The following SLC24A5 variants were observed in gnomAD, a reference collection of about 807,000 sequenced individuals.
The protein encoded by SLC24A5 is sodium/potassium/calcium exchanger 5.
SLC24A5 carries 46 observed loss-of-function variants against 51.6 expected under a neutral mutation model. The ratio of observed to expected loss-of-function variants is 0.89; its 90% CI spans 0.70 to 1.14. SLC24A5 has a LOEUF of 1.14. SLC24A5 is among the 50% of genes most tolerant of loss of function. The pLI, the probability that SLC24A5 is intolerant of heterozygous loss-of-function variation, is 0.00. For missense variants in SLC24A5, 581 were observed against 604.1 expected, an observed-to-expected ratio of 0.96 and a Z score of 0.40; for synonymous variants, 230 against 214.9, an observed-to-expected ratio of 1.07 and a Z score of -0.62.
Position 48,141,897 on chromosome 15 carries a change from CTT to C in SLC24A5, c.1181-129_1181-128del, listed in dbSNP as rs2039102791. ...ATTTAAAAATACAAATTCAGTAAGA[CTT>C]TTGCTCTAACAACAATTTTTCAAAA... On this transcript the variant is annotated intron_variant, in intron 8 of 8. Transcript: ENST00000341459. The C allele has an allele frequency of 9.9e-6, 6 of 608,004 alleles. No individual in the cohort carries two copies. In the Admixed American group the frequency reaches 1.7e-4, roughly 18 times the overall value. The allele number at this position is 608,004 out of a possible 1,614,324, so 37.7% of individuals were successfully genotyped here.
At chr15:48,131,668 A>T (rs2038791581) in intron 2 of SLC24A5, among the ~76,000 whole-genome samples, 1 of 152,064 alleles carries the variant, frequency 6.6e-6, no homozygotes, top group African/African-American at 2.4e-5. Context: ...TGAGCCAAAT[A>T]AACCTTTTTT....
At chr15:48,124,714 C>G (rs2038713475) in intron 2 of SLC24A5, 1 of 152,162 alleles carries the variant, frequency 6.6e-6, no homozygotes, top group Non-Finnish European at 1.5e-5. Flanking sequence ...GTCTAAGTGA[C>G]TTCCAACGTG....
At chr15:48,129,415 T>C (rs1187429594) in intron 2 of SLC24A5, among the ~76,000 whole-genome samples, 3 of 152,158 alleles carry the variant, frequency 2.0e-5, no homozygotes, top group Non-Finnish European at 4.4e-5. Context: ...CACTTCATTT[T>C]GGACCCTAAA....
chr15:48,133,406 C>T (rs115638698), intron 2 of SLC24A5, among the ~76,000 whole-genome samples: 1,734 of 152,036 alleles, frequency 0.011, 33 homozygotes, highest in African/African-American at 0.04. Context: ...GTCCCTTGGC[C>T]CTAAAATTGA....
intron 6 of SLC24A5, chr15:48,137,953 T>C (rs919146039): frequency 6.6e-6 from 1 of 152,112 alleles, no homozygotes. Flanking sequence ...GATTCTAAAT[T>C]TAATTAAGCC....
intron 2 of SLC24A5, chr15:48,124,363 G>A (rs1037697713): frequency 2.6e-5 from 4 of 151,164 alleles, no homozygotes; most frequent in African/African-American, 9.7e-5. Context: ...ATGTAGATCT[G>A]TCTCTATGCT....
In SLC24A5 at chr15:48,142,180, T is replaced by A; in HGVS notation, c.1332T>A (p.Ser444=). The stretch of plus-strand genomic sequence containing the variant: ...GAGGACTAACTTACATAACCATCTC[T>A]CTCAACATTTCAATTATTTTTCTTT... The part of the protein sequence containing the change: ...NSRGLTYITI[S]LNISIIFLFL... Residue 444 remains serine, a synonymous_variant, in exon 9 of 9, where the codon TCT becomes TCA. Coordinates refer to ENST00000341459, the MANE Select transcript of SLC24A5 (RefSeq NM_205850.3). 3 of 1,613,878 alleles carry A rather than the reference T, an allele frequency of 1.9e-6. No homozygotes were observed. Among genetic ancestry groups the A allele is most frequent in the Non-Finnish European group, 2.5e-6 (3 of 1,179,910 alleles).
intron 2 of SLC24A5, among the ~76,000 whole-genome samples, chr15:48,125,604 T>C (rs1334430331): frequency 6.6e-6 from 1 of 152,048 alleles, no homozygotes; most frequent in African/African-American, 2.4e-5. Flanking sequence ...GACAAAAAAA[T>C]ATCAAATACC....
In SLC24A5 at chr15:48,139,042, T is replaced by G. The variant is rs1278649521; in HGVS notation, c.945T>G (p.Ile315Met). Residue 315 changes from isoleucine to methionine, a missense_variant, in exon 7 of 9, where the codon ATT becomes ATG. Ile to Met is a conservative substitution (Grantham distance 10, BLOSUM62 1). Coordinates refer to ENST00000341459, the MANE Select transcript of SLC24A5 (RefSeq NM_205850.3). ...TTTGGGTATTATCCCTTCCTATTATTACATTACTTTTTCTAACCACACCAG... is the reference window on the plus strand; with the variant it reads ...TTTGGGTATTATCCCTTCCTATTATGACATTACTTTTTCTAACCACACCAG... ...RIFWVLSLPIITLLFLTTPDC... is the reference protein window; with the variant it reads ...RIFWVLSLPIMTLLFLTTPDC... The G allele has an allele frequency of 6.2e-7, 1 of 1,613,004 alleles. No individual in the cohort carries two copies. Among genetic ancestry groups the G allele is most frequent in the Non-Finnish European group, 8.5e-7 (1 of 1,179,308 alleles).
intron 2 of SLC24A5, among the ~76,000 whole-genome samples, chr15:48,125,118 A>G (rs1441169114): frequency 6.6e-6 from 1 of 152,084 alleles, no homozygotes; most frequent in Non-Finnish European, 1.5e-5. Flanking sequence ...ATTGAGTCAT[A>G]ATAGTTCCAC....
intron 7 of SLC24A5, chr15:48,140,432 AG>A (rs1365609865): frequency 3.3e-5 from 5 of 152,216 alleles, no homozygotes; most frequent in Non-Finnish European, 5.9e-5. Context: ...ACAACATTAA[AG>A]GAACAGTTAC....
intron 2 of SLC24A5, 147 bp from the exon 3 acceptor site, chr15:48,134,111 A>T (rs1292299941): frequency 1.0e-5 from 7 of 687,678 alleles, no homozygotes; most frequent in Non-Finnish European, 1.7e-5. Flanking sequence ...GAAGCAAAAC[A>T]TTGGACTCTT....
chr15:48,131,009 G>T (rs1258518221), intron 2 of SLC24A5, among the ~76,000 whole-genome samples: 2 of 151,812 alleles, frequency 1.3e-5, no homozygotes, highest in Non-Finnish European at 2.9e-5. Flanking sequence ...TTACCTCCTG[G>T]GCCTGTTTAT....
intron 8 of SLC24A5, 104 bp downstream of exon 8, chr15:48,141,318 C>A (rs1307293264): frequency 2.2e-6 from 2 of 898,390 alleles, no homozygotes; most frequent in Non-Finnish European, 3.4e-6. Context: ...GTGGCTCGCG[C>A]CTGTAATCCC....
At chr15:48,122,340 T>A (rs528358215) in intron 2 of SLC24A5, 63 of 542,344 alleles carry the variant, frequency 1.2e-4, no homozygotes, top group African/African-American at 1.1e-3. Flanking sequence ...ATTTCACTTG[T>A]ATGTACTTTG....
Position 48,136,761 on chromosome 15 carries a change from T to C in SLC24A5, c.669T>C (p.Tyr223=). ...GTTTTGACATTAAAATTAACCAATA[T>C]ATTATAAAGAAATGCAGTCCTTGCT... The part of the protein sequence containing the change: ...VLCFDIKINQ[Y]IIKKCSPCCA... Residue 223 remains tyrosine, a synonymous_variant, in exon 6 of 9, where the codon TAT becomes TAC. Coordinates refer to ENST00000341459, the MANE Select transcript of SLC24A5 (RefSeq NM_205850.3). The C allele has an allele frequency of 1.9e-6, 3 of 1,613,574 alleles. No homozygotes were observed. The highest frequency in any genetic ancestry group is 2.5e-6 in the Non-Finnish European group (3 of 1,179,750).
At chr15:48,136,507 CATA>C in intron 5 of SLC24A5, 173 bp from the exon 6 acceptor site, 1 of 481,810 alleles carries the variant, frequency 2.1e-6, no homozygotes, top group African/African-American at 2.0e-5. Flanking sequence ...TATCAATAAA[CATA>C]ATAATGCTGT....
chr15:48,142,457 C>A lies in SLC24A5; in HGVS notation c.*106C>A. 1 of 883,310 alleles carries A rather than the reference C, an allele frequency of 1.1e-6. No individual in the cohort carries two copies. 54.7% of individuals were successfully genotyped at this position (883,310 alleles called of 1,614,324 possible). On this transcript the variant is annotated 3_prime_UTR_variant, in exon 9 of 9. Coordinates refer to ENST00000341459, the MANE Select transcript of SLC24A5 (RefSeq NM_205850.3). Reference sequence around the variant, plus strand: ...TTTTAAAAATCTTGAACCTTAGAATCTAAAACTTACAGTAATTTAAAACCA... The same window carrying A: ...TTTTAAAAATCTTGAACCTTAGAATATAAAACTTACAGTAATTTAAAACCA...
chr15:48,136,593 A>G, intron 5 of SLC24A5, 90 bp from the exon 6 acceptor site: 1 of 1,236,006 alleles, frequency 8.1e-7, no homozygotes, highest in Non-Finnish European at 1.1e-6. Context: ...TACTTTTGTT[A>G]GAAAATCATT....
Sources: gnomAD v4.1 joint callset for allele counts (sites outside exome capture counted in the v4.1 genomes callset) on GRCh38, gnomAD v4.1.1 for gene constraint, MANE v1.5 for transcripts, NCBI Gene and HGNC (gene_info 2026-07-23, HGNC 2026-07-21) for gene names.